Variants in GMCL1 observed in about 807,000 individuals in gnomAD.
GMCL1 encodes the protein germ cell-less protein-like 1.
GMCL1 carries 54 observed loss-of-function variants against 75.5 expected under a neutral mutation model. That is an observed-to-expected ratio of 0.71 (90% CI 0.57 to 0.90). GMCL1 has a LOEUF of 0.90. Among genes scored for constraint, GMCL1 ranks in the 40% least tolerant of loss-of-function variants. The pLI is 0.00. For synonymous variants in GMCL1, 210 were observed against 209.6 expected (o/e 1.00, Z -0.02); for missense variants, 537 against 622.7 (o/e 0.86, Z 1.47).
intron 2 of GMCL1, 133 bp from the exon 3 acceptor site, chr2:69,839,324 C>G (rs1674913009): frequency 1.9e-6 from 1 of 530,508 alleles, no homozygotes; most frequent in Admixed American, 3.2e-5. Context: ...TTTGGCAGTT[C>G]TTTTTCTGTT....
rs1000870360 is a variant in GMCL1 at position 69,835,854 on chromosome 2, C to T, written c.261-1693C>T. On this transcript the variant is annotated intron_variant, in intron 1 of 13. Transcript: ENST00000282570. ...ATCCTGAACTGGTGAATTTCACACA[C>T]GGTTTGGGAACCATGACTTAGGGTG... Among the ~76,000 whole-genome samples the T allele has an allele frequency of 4.6e-5, 7 of 152,288 alleles. 1 individual carries two copies. The East Asian group carries it at 9.7e-4, about 21-fold the overall frequency.
chr2:69,834,876 C>G lies in GMCL1; in HGVS notation c.261-2671C>G, dbSNP rs189125720. The stretch of plus-strand genomic sequence containing the variant: ...TGGATTTCTTGGATTATGCCTGTCT[C>G]TTCTTTTTTCCTTTCTTTGTCTTTT... On this transcript the variant is annotated intron_variant, in intron 1 of 13. Coordinates refer to ENST00000282570, the MANE Select transcript of GMCL1 (RefSeq NM_178439.5). Among the ~76,000 whole-genome samples the G allele has an allele frequency of 1.1e-3, 166 of 152,114 alleles. 1 individual carries two copies. The highest frequency in any genetic ancestry group is 6.8e-3 in the Middle Eastern group (2 of 294).
At chr2:69,862,143 C>T (rs1285697493) in intron 10 of GMCL1, among the ~76,000 whole-genome samples, 3 of 152,186 alleles carry the variant, frequency 2.0e-5, no homozygotes, top group Non-Finnish European at 4.4e-5. Context: ...CTTTGTAGTT[C>T]ACAGAACTTT....
At chr2:69,870,294 A>G (rs1370962200) in intron 12 of GMCL1, among the ~76,000 whole-genome samples, 1 of 152,006 alleles carries the variant, frequency 6.6e-6, no homozygotes, top group Non-Finnish European at 1.5e-5. Flanking sequence ...ATTGGACAGT[A>G]GCTTAATGAA....
intron 9 of GMCL1, among the ~76,000 whole-genome samples, chr2:69,859,763 A>G (rs1675589215): frequency 2.0e-5 from 3 of 149,958 alleles, no homozygotes; most frequent in South Asian, 4.2e-4. Flanking sequence ...AAAAAAGTAT[A>G]TATGGGATGT....
intron 13 of GMCL1, among the ~76,000 whole-genome samples, chr2:69,873,153 T>A (rs1463706914): frequency 6.6e-6 from 1 of 152,108 alleles, no homozygotes; most frequent in Non-Finnish European, 1.5e-5. Flanking sequence ...AAACATCCTC[T>A]CCTGGAAAAG....
chr2:69,867,643 TC>T (rs1675858069), intron 11 of GMCL1, among the ~76,000 whole-genome samples: 1 of 152,244 alleles, frequency 6.6e-6, no homozygotes, highest in South Asian at 2.1e-4. Flanking sequence ...TTTTAACTTT[TC>T]TTTTTCCTCA....
At chr2:69,833,182 C>G (rs372090233) in intron 1 of GMCL1, among the ~76,000 whole-genome samples, 13 of 152,192 alleles carry the variant, frequency 8.5e-5, no homozygotes, top group East Asian at 3.8e-4. Flanking sequence ...TGTACCAACT[C>G]CTAGACTACA....
At chr2:69,850,577 T>A in intron 8 of GMCL1, among the ~76,000 whole-genome samples, 1 of 152,208 alleles carries the variant, frequency 6.6e-6, no homozygotes, top group East Asian at 1.9e-4. Context: ...TTTTCTATTG[T>A]GTCCCTCTGA....
At chr2:69,877,706 T>TTGTGTG (rs10549628) in intron 13 of GMCL1, among the ~76,000 whole-genome samples, 6,365 of 149,894 alleles carry the variant, frequency 0.042, 326 homozygotes, top group African/African-American at 0.11. Context: ...GATTGTGTGT[T>TTGTGTG]TGTGTGTGTG....
intron 4 of GMCL1, among the ~76,000 whole-genome samples, chr2:69,842,423 C>T (rs1224739394): frequency 6.6e-6 from 1 of 152,056 alleles, no homozygotes; most frequent in Non-Finnish European, 1.5e-5. Flanking sequence ...ATGTTTTGAT[C>T]CTTTCAATAC....
intron 3 of GMCL1, among the ~76,000 whole-genome samples, 194 bp from the exon 4 acceptor site, chr2:69,840,748 T>G (rs924837042): frequency 3.3e-5 from 5 of 152,326 alleles, no homozygotes; most frequent in Admixed American, 3.3e-4. Context: ...ATTTATAACC[T>G]TGTTATTAAA....
intron 1 of GMCL1, 104 bp downstream of exon 1, chr2:69,830,256 T>A (rs1023420880): frequency 7.2e-7 from 1 of 1,384,404 alleles, no homozygotes; most frequent in African/African-American, 1.4e-5. Flanking sequence ...CCCCAGCCTA[T>A]GGAGAGGGGA....
intron 6 of GMCL1, among the ~76,000 whole-genome samples, chr2:69,847,221 A>T (rs1353201278): frequency 6.6e-6 from 1 of 152,158 alleles, no homozygotes; most frequent in Non-Finnish European, 1.5e-5. Context: ...ACTTAAAGTT[A>T]TCTTACCGGA....
rs1357071067 is a variant in GMCL1, at chr2:69,847,528, ATT to A, written c.759-13_759-12del. On this transcript the variant is annotated splice_polypyrimidine_tract_variant and intron_variant, in intron 6 of 13. Coordinates refer to ENST00000282570, the MANE Select transcript of GMCL1 (RefSeq NM_178439.5). ...GCCTAAAGATAAGCTCACTCCCTCTATTTATCCTTTTCAGTATAAATGTCATG... is the reference window on the plus strand; with the variant it reads ...GCCTAAAGATAAGCTCACTCCCTCTATATCCTTTTCAGTATAAATGTCATG... 6.5e-7 allele frequency: 1 copy of A among 1,542,202 alleles called. No homozygotes were observed.
intron 12 of GMCL1, 41 bp from the exon 13 acceptor site, chr2:69,871,704 A>T (rs979725443): frequency 7.2e-6 from 8 of 1,103,526 alleles, no homozygotes; most frequent in Admixed American, 6.6e-5. Flanking sequence ...TCTGTGGTTT[A>T]AAAATCTTGT....
chr2:69,853,931 A>C (rs1675391396), intron 8 of GMCL1, among the ~76,000 whole-genome samples: 1 of 151,764 alleles, frequency 6.6e-6, no homozygotes, highest in African/African-American at 2.4e-5. Flanking sequence ...CCTCCCAGTT[A>C]GCTGGGTTTA....
In GMCL1 at chr2:69,856,640, CTTTTTTTTTTT is replaced by C. The variant is rs34707640; in HGVS notation, c.1072+1698_1072+1708del. Among the ~76,000 whole-genome samples the C allele has an allele frequency of 7.8e-5, 7 of 89,858 alleles. No individual in the cohort carries two copies. The South Asian group carries it at 2.6e-3, about 34-fold the overall frequency. The allele number at this position is 89,858 out of a possible 152,430, so 59.0% of individuals were successfully genotyped here. On this transcript the variant is annotated intron_variant, in intron 9 of 13. Transcript: ENST00000282570. Reference sequence around the variant, plus strand: ...AACAAAATCTTCCATCTCTTCCCTCCTTTTTTTTTTTTTTTTTTTTTTTTTTTTAACTTCCA... The same window carrying C: ...AACAAAATCTTCCATCTCTTCCCTCCTTTTTTTTTTTTTTTTTAACTTCCA...
chr2:69,877,107 ATG>A (rs1489740470), intron 13 of GMCL1, among the ~76,000 whole-genome samples: 1 of 152,224 alleles, frequency 6.6e-6, no homozygotes, highest in African/African-American at 2.4e-5. Flanking sequence ...CTGCTGCTAT[ATG>A]TGGGCTCCAC....
Sources: allele counts gnomAD v4.1 joint callset (sites outside exome capture counted in the v4.1 genomes callset), GRCh38; gene constraint gnomAD v4.1.1; transcripts MANE v1.5; gene names NCBI Gene and HGNC (gene_info 2026-07-23, HGNC 2026-07-21).